Variants in FUBP3 observed in about 807,000 individuals in gnomAD.
FUBP3 encodes far upstream element binding protein 3.
Under a neutral mutation model 85.6 loss-of-function variants are expected in FUBP3, and 28 were observed. That is an observed-to-expected ratio of 0.33 (90% confidence interval 0.24 to 0.45). FUBP3 has a LOEUF of 0.45. Ranked by LOEUF, FUBP3 falls within the 20% of genes least tolerant of loss-of-function variation. The probability of loss-of-function intolerance (pLI) is 1.00; values close to 1 mark genes in which losing one functional copy is unlikely to be tolerated. For synonymous variants in FUBP3, 271 were observed against 271.4 expected, an observed-to-expected ratio of 1.00 and a Z score of 0.01; for missense variants, 583 against 755.1, an observed-to-expected ratio of 0.77 and a Z score of 2.67.
At chr9:130,581,688 G>A (rs1830136220) in intron 1 of FUBP3, 1 of 152,184 alleles carries the variant, frequency 6.6e-6, no homozygotes, top group Non-Finnish European at 1.5e-5. Context: ...ACAGAGATGT[G>A]ATTTTTCTCC....
intron 16 of FUBP3, 86 bp downstream of exon 16, chr9:130,632,364 TC>T (rs1228376278): frequency 9.6e-7 from 1 of 1,038,900 alleles, no homozygotes; most frequent in East Asian, 2.4e-5. Flanking sequence ...CTCGTTCAAC[TC>T]AGCCAGCAGG....
intron 3 of FUBP3, among the ~76,000 whole-genome samples, chr9:130,611,400 G>A (rs1036345380): frequency 2.0e-5 from 3 of 152,124 alleles, no homozygotes; most frequent in Non-Finnish European, 4.4e-5. Flanking sequence ...TGCCTGATTT[G>A]GGGAGAACAC....
At chr9:130,619,919 G>A (rs1039131310) in intron 8 of FUBP3, among the ~76,000 whole-genome samples, 5 of 152,186 alleles carry the variant, frequency 3.3e-5, no homozygotes, top group Non-Finnish European at 5.9e-5. Flanking sequence ...GTAAAGCCTT[G>A]GCAAAGTTCT....
chr9:130,587,039 G>A (rs1234576013), intron 1 of FUBP3, among the ~76,000 whole-genome samples: 1 of 142,094 alleles, frequency 7.0e-6, no homozygotes, highest in Non-Finnish European at 1.5e-5. Flanking sequence ...GTGAGCCACT[G>A]CACCCGGCGT....
At chr9:130,597,839 T>A (rs1395469760) in intron 2 of FUBP3, among the ~76,000 whole-genome samples, 1 of 152,256 alleles carries the variant, frequency 6.6e-6, no homozygotes, top group Non-Finnish European at 1.5e-5. Flanking sequence ...GGGAAATTCC[T>A]TGTTCTTCAA....
chr9:130,625,427 T>C (rs1424399927), intron 11 of FUBP3, among the ~76,000 whole-genome samples: 1 of 152,218 alleles, frequency 6.6e-6, no homozygotes, highest in African/African-American at 2.4e-5. Context: ...CTGGTTTAGA[T>C]TCTGGGTAAA....
intron 18 of FUBP3, 163 bp downstream of exon 18, chr9:130,636,289 G>T: frequency 1.3e-6 from 1 of 753,188 alleles, no homozygotes; most frequent in Admixed American, 2.0e-5. Context: ...CCCGGCTCCA[G>T]CCCCTCTGTC....
rs1379411250 is a variant in FUBP3 at position 130,631,587 on chromosome 9, G to A, written c.1309G>A (p.Gly437Arg). 6.8e-6 allele frequency: 11 copies of A among 1,613,878 alleles called. No individual in the cohort carries two copies. The highest frequency in any genetic ancestry group is 1.7e-5 in the Admixed American group (1 of 59,990). The change falls in exon 14 of 19, where the codon GGA becomes AGA. Residue 437 changes from glycine (G) to arginine (R), a missense_variant. Transcript: ENST00000319725. Reference protein sequence around the residue: ...GTNLGAPGAFGQSPFSQPPAP... With the variant: ...GTNLGAPGAFRQSPFSQPPAP... ...CAATCTCGGAGCACCTGGAGCCTTC[G>A]GACAGAGTCCATTCAGCCAGCCACC...
At chr9:130,633,236 CT>C (rs74569215) in intron 16 of FUBP3, among the ~76,000 whole-genome samples, 2 of 152,240 alleles carry the variant, frequency 1.3e-5, no homozygotes, top group Non-Finnish European at 2.9e-5. Flanking sequence ...TGTTTCTTCC[CT>C]TTTTTTCCCC....
In FUBP3 at chr9:130,631,649, T is replaced by C; in HGVS notation, c.1352+19T>C. On this transcript the variant is annotated intron_variant, in intron 14 of 18. Transcript: ENST00000319725. ...ATCAAAAGTGAGTCTTTTGCATCAG[T>C]CTTGCCTGGGAGAATTCACTCGCTC... is the stretch of plus-strand genomic sequence containing the variant. 6.3e-7 allele frequency: 1 copy of C among 1,590,320 alleles called. No homozygotes were observed. The highest frequency in any genetic ancestry group is 8.6e-7 in the Non-Finnish European group (1 of 1,158,472).
intron 1 of FUBP3, among the ~76,000 whole-genome samples, chr9:130,594,199 C>A (rs574097221): frequency 2.6e-5 from 4 of 152,244 alleles, no homozygotes; most frequent in African/African-American, 9.6e-5. Flanking sequence ...CTAATTCCAG[C>A]ACTTTGCGAG....
chr9:130,592,676 C>T (rs562909005), intron 1 of FUBP3, among the ~76,000 whole-genome samples: 2 of 151,880 alleles, frequency 1.3e-5, no homozygotes, highest in South Asian at 2.1e-4. Context: ...CCTGAGTAGC[C>T]GGGACTACAG....
chr9:130,634,950 G>C (rs1006925090), intron 17 of FUBP3, among the ~76,000 whole-genome samples: 1 of 152,138 alleles, frequency 6.6e-6, no homozygotes, highest in Non-Finnish European at 1.5e-5. Flanking sequence ...GCTGCCCTGC[G>C]ACTCGGCACA....
chr9:130,616,220 G>A lies in FUBP3; in HGVS notation c.405-135G>A, dbSNP rs879021047. 7 of 749,808 alleles carry A rather than the reference G, an allele frequency of 9.3e-6. No homozygotes were observed. The highest frequency in any genetic ancestry group is 8.0e-5 in the Admixed American group (3 of 37,346). The allele number at this position is 749,808 out of a possible 1,614,324, so 46.4% of individuals were successfully genotyped here. A position where few individuals can be genotyped will look rare whatever the true frequency, so the allele number is the denominator to read the frequency against. ...GATGGCAGAGAGACCTCCGGGTTGT[G>A]GGGGCAGGAGCTGGAGCTGGATGGA... On this transcript the variant is annotated intron_variant, in intron 6 of 18. Transcript: ENST00000319725. This position sits in a 1 kb window ranked among gnomAD's most constrained non-coding sequence, Gnocchi z 4.7.
chr9:130,631,226 C>A, intron 13 of FUBP3: 1 of 1,265,252 alleles, frequency 7.9e-7, no homozygotes, highest in Non-Finnish European at 1.0e-6. Context: ...CCACTGCTCA[C>A]CTCAATGGGG....
chr9:130,636,256 A>T, intron 18 of FUBP3, 130 bp downstream of exon 18: 1 of 934,900 alleles, frequency 1.1e-6, no homozygotes, highest in Non-Finnish European at 1.7e-6. Flanking sequence ...ATAGCTCCTC[A>T]GCGAGGCTGC....
intron 1 of FUBP3, among the ~76,000 whole-genome samples, chr9:130,586,921 T>C (rs962112178): frequency 2.6e-5 from 4 of 151,918 alleles, no homozygotes; most frequent in Non-Finnish European, 5.9e-5. Context: ...GGCTGATTTT[T>C]TGTATTTTTA....
At position 130,635,620 on chromosome 9, in the gene FUBP3, G is replaced by T. The variant is rs941620873; in HGVS notation, c.1583-379G>T. On this transcript the variant is annotated intron_variant, in intron 17 of 18. Coordinates refer to ENST00000319725, the MANE Select transcript of FUBP3 (RefSeq NM_003934.2). This position sits in a 1 kb window ranked among gnomAD's most constrained non-coding sequence, Gnocchi z 4.3. ...GGGCCTGTGTTGAAGCTGTTCACAG[G>T]ATTTGGACACTATCACAGGCACCCA... Among the ~76,000 whole-genome samples, 1 of 152,126 alleles carries T rather than the reference G, an allele frequency of 6.6e-6. No homozygotes were observed. Among genetic ancestry groups the T allele is most frequent in the Non-Finnish European group, 1.5e-5 (1 of 68,034 alleles).
chr9:130,579,636 G>T lies in FUBP3; in HGVS notation c.-45G>T. 1 of 1,121,514 alleles carries T rather than the reference G, an allele frequency of 8.9e-7. No homozygotes were observed. Among genetic ancestry groups the T allele is most frequent in the African/African-American group, 1.6e-5 (1 of 61,970 alleles). The allele number at this position is 1,121,514 out of a possible 1,614,324, so 69.5% of individuals were successfully genotyped here. On this transcript the variant is annotated 5_prime_UTR_variant, in exon 1 of 19. Transcript: ENST00000319725. The stretch of plus-strand genomic sequence containing the variant: ...GGCCGGACCGGGGAGCCGAGCGGCG[G>T]CGTCGGCGGCGTCGGCGGCGGCGGC...
Sources: allele counts gnomAD v4.1 joint callset (sites outside exome capture counted in the v4.1 genomes callset), GRCh38; gene constraint gnomAD v4.1.1; non-coding constraint Gnocchi (gnomAD v3.1); transcripts MANE v1.5; gene names NCBI Gene and HGNC (gene_info 2026-07-23, HGNC 2026-07-21).